CSMD1: variants seen among roughly 807,000 people sequenced by gnomAD.
CSMD1 encodes CUB and sushi domain-containing protein 1.
CSMD1 carries 213 observed loss-of-function variants against 417.5 expected under a neutral mutation model. The observed-to-expected ratio is 0.51, with a 90% CI of 0.46 to 0.57. The LOEUF is 0.57. CSMD1 is among the 20% of genes least tolerant of loss of function. CSMD1 has a pLI of 0.00. For missense variants in CSMD1, 6,923 were observed against 4,529.7 expected (o/e 1.53, Z -15.17); for synonymous variants, 2,862 against 1,736.8 (o/e 1.65, Z -16.11).
intron 2 of CSMD1, among the ~76,000 whole-genome samples, chr8:4,500,820 G>C (rs77078925): frequency 1.3e-5 from 2 of 152,062 alleles, no homozygotes; most frequent in African/African-American, 2.4e-5. Flanking sequence ...GGAAAACATG[G>C]GTAGAGGTCC....
Position 3,561,810 on chromosome 8 carries a change from T to G in CSMD1, c.1344+13135A>C, listed in dbSNP as rs138485908. On this transcript the variant is annotated intron_variant, in intron 10 of 69. Coordinates refer to ENST00000635120, the MANE Select transcript of CSMD1 (RefSeq NM_033225.6). ...TTAAAAACAGAAAAAGAAAAAAAAG[T>G]AGTATCTATAAAGTTAGTCACTGAG... 3.5e-4 allele frequency among the ~76,000 whole-genome samples: 53 copies of G among 151,424 alleles called. No homozygotes were observed. In the East Asian group the frequency reaches 6.4e-3, roughly 18 times the overall value.
chr8:4,645,090 C>T (rs1803438599), intron 1 of CSMD1, among the ~76,000 whole-genome samples: 1 of 152,106 alleles, frequency 6.6e-6, no homozygotes, highest in African/African-American at 2.4e-5. Context: ...TTCTCTCAAC[C>T]CTGTTCAGCA....
chr8:3,743,130 G>C (rs566978020), intron 6 of CSMD1, among the ~76,000 whole-genome samples: 12 of 152,306 alleles, frequency 7.9e-5, no homozygotes, highest in African/African-American at 2.2e-4. Flanking sequence ...GACTTGCTCA[G>C]TGTCATGAAG....
intron 4 of CSMD1, among the ~76,000 whole-genome samples, chr8:3,999,103 T>G (rs944629854): frequency 6.6e-6 from 1 of 151,242 alleles, no homozygotes. Context: ...AATAACATGT[T>G]TTAAAGCATG....
At chr8:4,603,341 C>T (rs909821891) in intron 2 of CSMD1, among the ~76,000 whole-genome samples, 1 of 151,938 alleles carries the variant, frequency 6.6e-6, no homozygotes, top group African/African-American at 2.4e-5. Flanking sequence ...TTCAATATAT[C>T]ATTTTAATTT....
At chr8:4,136,953 A>T (rs1192722193) in intron 3 of CSMD1, among the ~76,000 whole-genome samples, 1 of 152,224 alleles carries the variant, frequency 6.6e-6, no homozygotes, top group African/African-American at 2.4e-5. Context: ...CATCAAAACC[A>T]ATATTCAGCC....
At chr8:3,365,019 T>C (rs1007921377) in intron 20 of CSMD1, among the ~76,000 whole-genome samples, 10 of 152,336 alleles carry the variant, frequency 6.6e-5, no homozygotes, top group Admixed American at 6.5e-4. Context: ...ACTGCCATTT[T>C]CTTTTTTTGG....
At chr8:3,299,339 C>A (rs1227054359) in intron 25 of CSMD1, among the ~76,000 whole-genome samples, 1 of 152,098 alleles carries the variant, frequency 6.6e-6, no homozygotes, top group East Asian at 1.9e-4. Flanking sequence ...GTAATCCCAG[C>A]TACTCAGGAG....
chr8:3,785,274 G>A (rs892679579), intron 5 of CSMD1, among the ~76,000 whole-genome samples: 2 of 152,170 alleles, frequency 1.3e-5, no homozygotes, highest in Admixed American at 6.5e-5. Context: ...AAGCAAGCAC[G>A]ACAGAAGCAT....
At chr8:3,112,365 A>G (rs1816569595) in intron 42 of CSMD1, among the ~76,000 whole-genome samples, 1 of 152,168 alleles carries the variant, frequency 6.6e-6, no homozygotes, top group East Asian at 1.9e-4. Flanking sequence ...GTAGTTACAT[A>G]ACCACATTAT....
At position 4,020,642 on chromosome 8, in the gene CSMD1, T is replaced by C. The variant is rs569278509; in HGVS notation, c.610+11263A>G. 2.6e-5 allele frequency among the ~76,000 whole-genome samples: 4 copies of C among 152,304 alleles called. No homozygotes were observed. In the South Asian group the frequency reaches 8.3e-4, roughly 32 times the overall value. On this transcript the variant is annotated intron_variant, in intron 4 of 69. Coordinates refer to ENST00000635120, the MANE Select transcript of CSMD1 (RefSeq NM_033225.6). Reference sequence around the variant, plus strand: ...AGGTCCCTAGAATCACTCTTCTTTATTTTTTCTTACTTATTCCAGGACAGA... The same window carrying C: ...AGGTCCCTAGAATCACTCTTCTTTACTTTTTCTTACTTATTCCAGGACAGA...
intron 5 of CSMD1, among the ~76,000 whole-genome samples, chr8:3,862,053 G>T (rs935461432): frequency 6.6e-6 from 1 of 152,254 alleles, no homozygotes; most frequent in African/African-American, 2.4e-5. Context: ...CTAAATCAAA[G>T]TTTTCTCTCC....
intron 5 of CSMD1, among the ~76,000 whole-genome samples, chr8:3,765,630 T>A (rs1798224526): frequency 1.3e-5 from 2 of 152,228 alleles, no homozygotes; most frequent in African/African-American, 2.4e-5. Context: ...TTAAGAGAAG[T>A]GAACCCTAAG....
chr8:3,967,373 G>A (rs953738764), intron 5 of CSMD1, among the ~76,000 whole-genome samples: 2 of 152,016 alleles, frequency 1.3e-5, no homozygotes, highest in African/African-American at 4.8e-5. Context: ...TGGAACTGCA[G>A]GCTCATTATT....
At chr8:3,735,289 T>C (rs945538149) in intron 6 of CSMD1, among the ~76,000 whole-genome samples, 1 of 147,214 alleles carries the variant, frequency 6.8e-6, no homozygotes, top group African/African-American at 2.5e-5. Context: ...TTATACATCA[T>C]ATATGGCAAG....
chr8:3,556,515 C>CGT (rs1563150100), intron 10 of CSMD1, among the ~76,000 whole-genome samples: 11 of 79,696 alleles, frequency 1.4e-4, no homozygotes, highest in African/African-American at 7.9e-4. Context: ...CTTTTTCACA[C>CGT]GCACACACAC....
intron 1 of CSMD1, among the ~76,000 whole-genome samples, chr8:4,656,080 G>A (rs1229150958): frequency 1.3e-5 from 2 of 152,068 alleles, no homozygotes; most frequent in Non-Finnish European, 2.9e-5. Flanking sequence ...ACAGTAATGG[G>A]AAAGACAATG....
intron 3 of CSMD1, among the ~76,000 whole-genome samples, chr8:4,151,001 T>C (rs1224429003): frequency 2.0e-5 from 3 of 152,144 alleles, no homozygotes; most frequent in Non-Finnish European, 2.9e-5. Flanking sequence ...TTTGGAGAAA[T>C]GATGCAAGAG....
chr8:4,787,965 T>A, intron 1 of CSMD1: 2 of 1,595,528 alleles, frequency 1.3e-6, no homozygotes, highest in Non-Finnish European at 1.7e-6. Flanking sequence ...ACTCTGGCCA[T>A]CAGGAGATCG....
Sources: gnomAD v4.1 joint callset for allele counts (sites outside exome capture counted in the v4.1 genomes callset) on GRCh38, gnomAD v4.1.1 for gene constraint, MANE v1.5 for transcripts, NCBI Gene and HGNC (gene_info 2026-07-23, HGNC 2026-07-21) for gene names.